Variants in NSMAF observed in about 807,000 individuals in gnomAD.
NSMAF encodes protein FAN.
Under a neutral mutation model 134.9 loss-of-function variants are expected in NSMAF, and 90 were observed. The ratio of observed to expected loss-of-function variants is 0.67; its 90% CI spans 0.56 to 0.79. The LOEUF (loss-of-function observed/expected upper bound fraction) is 0.79, where lower values mean the gene tolerates loss of function less well. NSMAF is among the 30% of genes least tolerant of loss of function. NSMAF has a pLI of 0.00. For missense variants in NSMAF, 1,010 were observed against 1,119.0 expected (o/e 0.90, Z 1.39); for synonymous variants, 358 against 389.6 (o/e 0.92, Z 0.96).
intron 11 of NSMAF, among the ~76,000 whole-genome samples, chr8:58,606,506 C>T (rs1259291462): frequency 2.0e-5 from 3 of 152,168 alleles, no homozygotes; most frequent in Non-Finnish European, 4.4e-5. Flanking sequence ...GCCTCAAACT[C>T]CCAGGCTCAA....
At chr8:58,638,592 G>T (rs1392189081) in intron 2 of NSMAF, among the ~76,000 whole-genome samples, 1 of 152,064 alleles carries the variant, frequency 6.6e-6, no homozygotes, top group East Asian at 1.9e-4. Context: ...AAAAAAAAGT[G>T]AACCCTTACC....
At chr8:58,602,832 A>G (rs766954814) in intron 13 of NSMAF, among the ~76,000 whole-genome samples, 6 of 152,226 alleles carry the variant, frequency 3.9e-5, no homozygotes, top group Non-Finnish European at 7.3e-5. Flanking sequence ...CAAGTGTTCT[A>G]TAACAAATAA....
In NSMAF at chr8:58,588,548, A is replaced by C. The variant is rs1470308942; in HGVS notation, c.2212-847T>G. ...CTGTGAATTGCACAACTCACACAGT[A>C]ATGTAGCTTCACATACAGCTTGGGA... On this transcript the variant is annotated intron_variant, in intron 26 of 30. Coordinates refer to ENST00000038176, the MANE Select transcript of NSMAF (RefSeq NM_003580.4). 32 of 1,238,168 alleles carry C rather than the reference A, an allele frequency of 2.6e-5. 2 individuals carry two copies. The highest frequency in any genetic ancestry group is 3.3e-5 in the Non-Finnish European group (28 of 852,220). The allele number at this position is 1,238,168 out of a possible 1,614,324, so 76.7% of individuals were successfully genotyped here.
At chr8:58,610,411 T>C (rs2129142522) in intron 9 of NSMAF, among the ~76,000 whole-genome samples, 1 of 152,316 alleles carries the variant, frequency 6.6e-6, no homozygotes, top group Non-Finnish European at 1.5e-5. Context: ...TAAATCTCTT[T>C]ATAAGTGACA....
chr8:58,596,754 C>T (rs1806143811), intron 21 of NSMAF, among the ~76,000 whole-genome samples: 1 of 151,946 alleles, frequency 6.6e-6, no homozygotes, highest in South Asian at 2.1e-4. Context: ...ACAGTGAAAC[C>T]CTGTCTCTAC....
intron 18 of NSMAF, 58 bp downstream of exon 18, chr8:58,599,692 A>G: frequency 6.4e-7 from 1 of 1,557,044 alleles, no homozygotes; most frequent in Non-Finnish European, 8.7e-7. Flanking sequence ...ATAATTACTG[A>G]AATTGCACTA....
At chr8:58,599,931 C>T (rs1806237909) in intron 17 of NSMAF, 39 bp downstream of exon 17, 1 of 1,612,850 alleles carries the variant, frequency 6.2e-7, no homozygotes, top group Non-Finnish European at 8.5e-7. Flanking sequence ...AGTTAGAAAC[C>T]CCAAGTCCAG....
chr8:58,656,761 C>A (rs1264667047), intron 1 of NSMAF, among the ~76,000 whole-genome samples: 2 of 151,882 alleles, frequency 1.3e-5, no homozygotes, highest in African/African-American at 4.8e-5. Flanking sequence ...ACCCAGGAGG[C>A]GGAGCTTGCA....
chr8:58,599,859 T>A lies in NSMAF; in HGVS notation c.1344A>T (p.Glu448Asp), dbSNP rs144276701. 6.8e-5 allele frequency: 109 copies of A among 1,613,380 alleles called. No homozygotes were observed. Among genetic ancestry groups the A allele is most frequent in the Non-Finnish European group, 8.1e-5 (95 of 1,179,868 alleles). Residue 448 changes from glutamate to aspartate, a missense_variant, in exon 18 of 31, where the codon GAA becomes GAT. Transcript: ENST00000038176. Reference protein sequence around the residue: ...GATDFKELIPEFYGDDVSFLV... With the variant: ...GATDFKELIPDFYGDDVSFLV... The stretch of plus-strand genomic sequence containing the variant: ...GAAAGCTCACATCATCACCATAGAA[T>A]TCTGGAATTAACTGAAAGTTTCGGG...
At position 58,605,888 on chromosome 8, in the gene NSMAF, A is replaced by C. The variant is rs1275120518; in HGVS notation, c.868+39T>G. 5 of 1,514,018 alleles carry C rather than the reference A, an allele frequency of 3.3e-6. No homozygotes were observed. The East Asian group carries it at 1.2e-4, about 37-fold the overall frequency. The allele number at this position is 1,514,018 out of a possible 1,614,324, so 93.8% of individuals were successfully genotyped here. A position where few individuals can be genotyped will look rare whatever the true frequency, so the allele number is the denominator to read the frequency against. On this transcript the variant is annotated intron_variant, in intron 12 of 30. Coordinates refer to ENST00000038176, the MANE Select transcript of NSMAF (RefSeq NM_003580.4). ...GAGCGAGACTCAGCCTCCAAAAAAA[A>C]AAAAAAAAGAAAGAAACAATGAAGG...
rs542541408 is a variant in NSMAF at position 58,630,853 on chromosome 8, C to T, written c.384+643G>A. Among the ~76,000 whole-genome samples the T allele has an allele frequency of 2.4e-4, 36 of 152,282 alleles. 2 individuals carry two copies. In the South Asian group the frequency reaches 7.3e-3, roughly 31 times the overall value. On this transcript the variant is annotated intron_variant, in intron 6 of 30. Transcript: ENST00000038176. ...ATTCAGCCTGTGGGACTATGTTTGC[C>T]CACAAATGGTGGCTTTTCCTAATTC...
At chr8:58,637,870 G>C (rs2129146680) in intron 2 of NSMAF, among the ~76,000 whole-genome samples, 1 of 152,232 alleles carries the variant, frequency 6.6e-6, no homozygotes, top group African/African-American at 2.4e-5. Context: ...TAAATAGAAA[G>C]ATATCTGGTG....
chr8:58,617,591 C>A (rs944816098), intron 9 of NSMAF, among the ~76,000 whole-genome samples: 1 of 152,190 alleles, frequency 6.6e-6, no homozygotes, highest in African/African-American at 2.4e-5. Flanking sequence ...CAGAGAAATG[C>A]AAATCAAAAC....
chr8:58,584,064 T>C lies in NSMAF; in HGVS notation c.*42A>G, dbSNP rs1805828598. 2.8e-6 allele frequency: 4 copies of C among 1,449,628 alleles called. No homozygotes were observed. The highest frequency in any genetic ancestry group is 2.9e-6 in the Non-Finnish European group (3 of 1,030,580). 89.8% of individuals were successfully genotyped at this position (1,449,628 alleles called of 1,614,324 possible). A position where few individuals can be genotyped will look rare whatever the true frequency, so the allele number is the denominator to read the frequency against. On this transcript the variant is annotated 3_prime_UTR_variant, in exon 31 of 31. Transcript: ENST00000038176. ...TTTAAAAGTTTGGTTTAAAAATGCA[T>C]TAAATAGAGTTCAATTTAATATTCA...
chr8:58,659,209 G>A (rs1807796490), intron 1 of NSMAF: 1 of 1,457,314 alleles, frequency 6.9e-7, no homozygotes. Flanking sequence ...CCCTGCGAAC[G>A]CCCGGGCTCG....
chr8:58,601,278 A>G lies in NSMAF; in HGVS notation c.1280+7T>C, dbSNP rs199804157. ...TAAAAATGATAAGCAAGGCATTTGT[A>G]TCAAACCTGTTGAACATTCTATCTG... On this transcript the variant is annotated splice_region_variant and intron_variant, in intron 16 of 30. Transcript: ENST00000038176. The G allele has an allele frequency of 1.2e-6, 2 of 1,610,338 alleles. No individual in the cohort carries two copies. Among genetic ancestry groups the G allele is most frequent in the South Asian group, 1.1e-5 (1 of 90,998 alleles).
intron 10 of NSMAF, among the ~76,000 whole-genome samples, chr8:58,608,048 T>C (rs1585738598): frequency 6.6e-6 from 1 of 152,220 alleles, no homozygotes; most frequent in Non-Finnish European, 1.5e-5. Context: ...CAAGTCTTCC[T>C]CCCCGCCATG....
chr8:58,651,285 G>A (rs974977840), intron 1 of NSMAF, among the ~76,000 whole-genome samples: 14 of 152,186 alleles, frequency 9.2e-5, no homozygotes, highest in African/African-American at 3.4e-4. Flanking sequence ...TCTAGTTCCT[G>A]TACCAGTTGT....
At chr8:58,588,167 A>G (rs1269965068) in intron 26 of NSMAF, among the ~76,000 whole-genome samples, 2 of 152,210 alleles carry the variant, frequency 1.3e-5, no homozygotes, top group African/African-American at 4.8e-5. Flanking sequence ...CACCAACACA[A>G]AATAGAAACT....
Sources: gnomAD v4.1 joint callset for allele counts (sites outside exome capture counted in the v4.1 genomes callset) on GRCh38, gnomAD v4.1.1 for gene constraint, MANE v1.5 for transcripts, NCBI Gene and HGNC (gene_info 2026-07-23, HGNC 2026-07-21) for gene names.